Variants in ARMH3 observed in about 807,000 individuals in gnomAD.
The protein encoded by ARMH3 is armadillo-like helical domain-containing protein 3.
ARMH3 carries 60 observed loss-of-function variants against 99.1 expected under a neutral mutation model. The ratio of observed to expected loss-of-function variants is 0.61; its 90% CI spans 0.49 to 0.75. The LOEUF (loss-of-function observed/expected upper bound fraction) is 0.75, where lower values mean the gene tolerates loss of function less well. ARMH3 is among the 30% of genes least tolerant of loss of function. The probability of loss-of-function intolerance (pLI) is 0.00; values close to 1 mark genes in which losing one functional copy is unlikely to be tolerated. For missense variants in ARMH3, 679 were observed against 843.1 expected (o/e 0.81, Z 2.41); for synonymous variants, 285 against 292.8 (o/e 0.97, Z 0.27).
intron 20 of ARMH3, among the ~76,000 whole-genome samples, chr10:101,970,393 T>C (rs934817272): frequency 2.0e-5 from 3 of 152,224 alleles, no homozygotes; most frequent in African/African-American, 7.2e-5. Context: ...CCTACTGGGT[T>C]CTATTATTAT....
At chr10:102,042,636 G>A (rs1322395951) in intron 1 of ARMH3, among the ~76,000 whole-genome samples, 1 of 152,196 alleles carries the variant, frequency 6.6e-6, no homozygotes, top group Non-Finnish European at 1.5e-5. Context: ...AAATGTGACT[G>A]GAAAATGACA....
intron 22 of ARMH3, among the ~76,000 whole-genome samples, chr10:101,941,928 A>G (rs1213511210): frequency 6.6e-6 from 1 of 152,210 alleles, no homozygotes; most frequent in Non-Finnish European, 1.5e-5. Context: ...AAGTTCTCTG[A>G]TGGTAGAACC....
At chr10:102,012,489 T>C (rs893234035) in intron 10 of ARMH3, among the ~76,000 whole-genome samples, 2 of 152,220 alleles carry the variant, frequency 1.3e-5, no homozygotes, top group African/African-American at 4.8e-5. Flanking sequence ...CCACAACCTT[T>C]TTTACATGGA....
At chr10:101,981,632 A>G (rs1223964560) in intron 19 of ARMH3, among the ~76,000 whole-genome samples, 1 of 152,332 alleles carries the variant, frequency 6.6e-6, no homozygotes, top group East Asian at 1.9e-4. Flanking sequence ...CATTATTCAC[A>G]TCTCTCTCTG....
chr10:101,857,027 G>A (rs2066752061), intron 24 of ARMH3, among the ~76,000 whole-genome samples: 1 of 151,978 alleles, frequency 6.6e-6, no homozygotes, highest in African/African-American at 2.4e-5. Context: ...AAGAAGTCTG[G>A]ACCACAAAGT....
At chr10:102,035,962 C>T (rs1436608279) in intron 2 of ARMH3, among the ~76,000 whole-genome samples, 2 of 151,784 alleles carry the variant, frequency 1.3e-5, no homozygotes, top group East Asian at 3.9e-4. Flanking sequence ...AAGTGAGGAG[C>T]GTCTCTGCCC....
chr10:101,852,378 T>C (rs2066623320), intron 24 of ARMH3, among the ~76,000 whole-genome samples: 2 of 152,238 alleles, frequency 1.3e-5, no homozygotes, highest in South Asian at 4.1e-4. Flanking sequence ...CCAATAAAGC[T>C]GGCTTTTGCC....
In ARMH3 at chr10:101,900,826, T is replaced by A. The variant is rs189868942; in HGVS notation, c.1782-11336A>T. On this transcript the variant is annotated intron_variant, in intron 23 of 25. Transcript: ENST00000370033. Reference sequence around the variant, plus strand: ...GTGAGACCCCCATATCTACAAAAAATTTTTTTTAAATTAGCCAGCATAATG... The same window carrying A: ...GTGAGACCCCCATATCTACAAAAAAATTTTTTTAAATTAGCCAGCATAATG... Among the ~76,000 whole-genome samples, 601 of 151,904 alleles carry A rather than the reference T, an allele frequency of 4.0e-3. 8 individuals carry two copies. The East Asian group carries it at 0.052, about 13-fold the overall frequency.
At chr10:101,943,866 C>T (rs1387554133) in intron 22 of ARMH3, among the ~76,000 whole-genome samples, 2 of 151,288 alleles carry the variant, frequency 1.3e-5, no homozygotes, top group East Asian at 3.9e-4. Flanking sequence ...AGATCGAGAC[C>T]ATCCTGGCAA....
At chr10:102,039,146 G>A (rs1590223077) in intron 2 of ARMH3, among the ~76,000 whole-genome samples, 1 of 150,810 alleles carries the variant, frequency 6.6e-6, no homozygotes, top group Non-Finnish European at 1.5e-5. Context: ...TTCCTTGATA[G>A]TGTATTTTTT....
intron 22 of ARMH3, among the ~76,000 whole-genome samples, chr10:101,945,117 T>C (rs566971378): frequency 6.6e-6 from 1 of 152,094 alleles, no homozygotes; most frequent in African/African-American, 2.4e-5. Flanking sequence ...GCAGACAGAT[T>C]ATAGAGGGAA....
At chr10:101,862,596 G>C (rs2066899327) in intron 24 of ARMH3, among the ~76,000 whole-genome samples, 1 of 151,534 alleles carries the variant, frequency 6.6e-6, no homozygotes, top group Admixed American at 6.6e-5. Context: ...ATAACATGAA[G>C]GTACACTGTG....
chr10:101,884,292 T>C (rs2067489026), intron 24 of ARMH3, among the ~76,000 whole-genome samples: 1 of 152,192 alleles, frequency 6.6e-6, no homozygotes, highest in South Asian at 2.1e-4. Context: ...GACCCCTTAG[T>C]TTCATCTTTT....
chr10:102,053,343 AT>A (rs1483363777), intron 1 of ARMH3, among the ~76,000 whole-genome samples: 1 of 151,590 alleles, frequency 6.6e-6, no homozygotes, highest in Admixed American at 6.6e-5. Flanking sequence ...ATTTAAAATA[AT>A]TTTTTTTCCT....
At chr10:101,989,269 C>T (rs1846657985) in intron 19 of ARMH3, among the ~76,000 whole-genome samples, 1 of 152,152 alleles carries the variant, frequency 6.6e-6, no homozygotes, top group Non-Finnish European at 1.5e-5. Context: ...TGTAATGGCA[C>T]ACACCTGTAG....
At chr10:101,992,099 C>G in intron 17 of ARMH3, 61 bp from the exon 18 acceptor site, 2 of 1,319,292 alleles carry the variant, frequency 1.5e-6, no homozygotes, top group South Asian at 2.4e-5. Context: ...ATCCAATGGC[C>G]CATCATCATG....
intron 22 of ARMH3, among the ~76,000 whole-genome samples, chr10:101,949,548 G>A (rs1844698222): frequency 6.6e-6 from 1 of 151,956 alleles, no homozygotes; most frequent in Non-Finnish European, 1.5e-5. Flanking sequence ...AAATAGTCCT[G>A]TATCTATTAA....
At chr10:102,050,082 G>C (rs2067659002) in intron 1 of ARMH3, among the ~76,000 whole-genome samples, 1 of 151,916 alleles carries the variant, frequency 6.6e-6, no homozygotes, top group Non-Finnish European at 1.5e-5. Context: ...GGCGGTGGTT[G>C]CAACGAGCTG....
chr10:102,045,756 G>A (rs2067534208), intron 1 of ARMH3, among the ~76,000 whole-genome samples: 1 of 152,072 alleles, frequency 6.6e-6, no homozygotes, highest in Non-Finnish European at 1.5e-5. Flanking sequence ...ATTTACAAGA[G>A]CCTATTACTG....
Sources: allele counts gnomAD v4.1 joint callset (sites outside exome capture counted in the v4.1 genomes callset), GRCh38; gene constraint gnomAD v4.1.1; transcripts MANE v1.5; gene names NCBI Gene and HGNC (gene_info 2026-07-23, HGNC 2026-07-21).